RFX1: variants seen among roughly 807,000 people sequenced by gnomAD.
RFX1 encodes the protein MHC class II regulatory factor RFX1.
A neutral mutation model predicts 119.6 loss-of-function variants in RFX1; 42 were observed. The ratio of observed to expected loss-of-function variants is 0.35; its 90% CI spans 0.27 to 0.45. RFX1 has a LOEUF of 0.45. RFX1 is among the 20% of genes least tolerant of loss of function. The probability of loss-of-function intolerance (pLI) is 1.00; values close to 1 mark genes in which losing one functional copy is unlikely to be tolerated. For missense variants in RFX1, 1,118 were observed against 1,368.1 expected, an observed-to-expected ratio of 0.82 and a Z score of 2.88; for synonymous variants, 628 against 618.5, an observed-to-expected ratio of 1.02 and a Z score of -0.23.
rs139756317 is a variant in RFX1, at chr19:13,965,729, G to A, written c.2010C>T (p.Leu670=). The part of the protein sequence containing the change: ...KRLPKAILVL[L]SKFEPVLQWT... Reference sequence around the variant, plus strand: ...ATTGGAGCACGGGCTCGAACTTGGAGAGGAGCACCAGGATGGCTTTGGGCA... The same window carrying A: ...ATTGGAGCACGGGCTCGAACTTGGAAAGGAGCACCAGGATGGCTTTGGGCA... Residue 670 remains leucine, a synonymous_variant, in exon 15 of 21, where the codon CTC becomes CTT. Transcript: ENST00000254325. The surrounding 1 kb of genome is among the most constrained non-coding windows in gnomAD (Gnocchi z 4.7). The A allele has an allele frequency of 7.2e-4, 1,166 of 1,613,960 alleles. 2 individuals carry two copies. Among genetic ancestry groups the A allele is most frequent in the Non-Finnish European group, 9.3e-4 (1,102 of 1,180,000 alleles).
At chr19:13,979,314 A>T (rs1974355322) in intron 7 of RFX1, 133 bp downstream of exon 7, 3 of 535,638 alleles carry the variant, frequency 5.6e-6, no homozygotes, top group Non-Finnish European at 9.6e-6. Flanking sequence ...GGGCCGGGAA[A>T]GGGGAAGGAT....
At chr19:13,982,735 C>T (rs1053151453) in intron 4 of RFX1, among the ~76,000 whole-genome samples, 2 of 152,086 alleles carry the variant, frequency 1.3e-5, no homozygotes, top group African/African-American at 4.8e-5. Context: ...CCCTGGGAGG[C>T]GGAGGTTGCA....
chr19:13,995,851 CAAA>C (rs57542235), intron 1 of RFX1, among the ~76,000 whole-genome samples: 425 of 35,604 alleles, frequency 0.012, no homozygotes, highest in African/African-American at 0.027. Context: ...ACTCTGTCTC[CAAA>C]AAAAAAAAAA....
intron 1 of RFX1, among the ~76,000 whole-genome samples, chr19:13,998,993 G>C (rs1299403028): frequency 6.6e-6 from 1 of 152,210 alleles, no homozygotes; most frequent in African/African-American, 2.4e-5. Flanking sequence ...GAGGAGGTGG[G>C]AGATCGAGGA....
chr19:13,993,863 A>T lies in RFX1; in HGVS notation c.-20T>A. The T allele has an allele frequency of 6.7e-7, 1 of 1,500,692 alleles. No homozygotes were observed. The highest frequency in any genetic ancestry group is 8.9e-7 in the Non-Finnish European group (1 of 1,124,958). 93.0% of individuals were successfully genotyped at this position (1,500,692 alleles called of 1,614,324 possible). A position where few individuals can be genotyped will look rare whatever the true frequency, so the allele number is the denominator to read the frequency against. ...TGCCATGCCAACGGTGGGGAAAATG[A>T]TAATAAATAAGGCTTTTTTTTTTTT... On this transcript the variant is annotated 5_prime_UTR_variant, in exon 2 of 21. Transcript: ENST00000254325.
chr19:13,997,862 C>T lies in RFX1; in HGVS notation c.-52-3967G>A, dbSNP rs555835278. Among the ~76,000 whole-genome samples, 439 of 152,266 alleles carry T rather than the reference C, an allele frequency of 2.9e-3. 3 individuals carry two copies. Among genetic ancestry groups the T allele is most frequent in the African/African-American group, 9.7e-3 (402 of 41,572 alleles). ...CCCAGGGACTCGGGCAGCAGAGAAA[C>T]TTGCCCACCGTGAGAGGGAAAAGGC... is the stretch of plus-strand genomic sequence containing the variant. On this transcript the variant is annotated intron_variant, in intron 1 of 20. Transcript: ENST00000254325.
Position 13,962,782 on chromosome 19 carries a change from C to T in RFX1, c.2853G>A (p.Ala951=). 5 of 1,530,304 alleles carry T rather than the reference C, an allele frequency of 3.3e-6. No homozygotes were observed. The highest frequency in any genetic ancestry group is 4.4e-6 in the Non-Finnish European group (5 of 1,143,448). 94.8% of individuals were successfully genotyped at this position (1,530,304 alleles called of 1,614,324 possible). A position where few individuals can be genotyped will look rare whatever the true frequency, so the allele number is the denominator to read the frequency against. The change falls in exon 21 of 21, where the codon GCG becomes GCA. Residue 951 remains alanine (A), a synonymous_variant. Coordinates refer to ENST00000254325, the MANE Select transcript of RFX1 (RefSeq NM_002918.5). ...GCGGCTCCAGGGTCTCCGGGCCCAGCGCGGGTGACTCGCCGCCAGCCGCCA... is the reference window on the plus strand; with the variant it reads ...GCGGCTCCAGGGTCTCCGGGCCCAGTGCGGGTGACTCGCCGCCAGCCGCCA... The part of the protein sequence containing the change: ...ISLAAGGESP[A]LGPETLEPPA...
intron 8 of RFX1, 36 bp from the exon 9 acceptor site, chr19:13,973,163 G>A (rs769874501): frequency 8.0e-7 from 1 of 1,253,544 alleles, no homozygotes; most frequent in Non-Finnish European, 1.1e-6. Context: ...GAGTCAGGGG[G>A]ATGAGAACTG....
intron 2 of RFX1, among the ~76,000 whole-genome samples, chr19:13,991,453 G>A (rs181525437): frequency 5.9e-5 from 9 of 152,058 alleles, no homozygotes; most frequent in Admixed American, 5.2e-4. Context: ...CTACACAGGC[G>A]GGGGGGCACT....
At position 13,980,763 on chromosome 19, in the gene RFX1, C is replaced by T. The variant is rs1179390038; in HGVS notation, c.622-74G>A. On this transcript the variant is annotated intron_variant, in intron 5 of 20. Coordinates refer to ENST00000254325, the MANE Select transcript of RFX1 (RefSeq NM_002918.5). The surrounding 1 kb of genome is among the most constrained non-coding windows in gnomAD (Gnocchi z 5.1). Reference sequence around the variant, plus strand: ...TCTCTGAGGTGGGCTCACACACACACCCTTCTCAGGAGAGCTGTCTGGGGA... The same window carrying T: ...TCTCTGAGGTGGGCTCACACACACATCCTTCTCAGGAGAGCTGTCTGGGGA... 21 of 918,390 alleles carry T rather than the reference C, an allele frequency of 2.3e-5. No homozygotes were observed. The highest frequency in any genetic ancestry group is 4.3e-5 in the Admixed American group (2 of 46,462). The allele number at this position is 918,390 out of a possible 1,614,324, so 56.9% of individuals were successfully genotyped here.
At chr19:13,975,063 GAGGGGGGC>G (rs1430206882) in intron 8 of RFX1, among the ~76,000 whole-genome samples, 1 of 140,976 alleles carries the variant, frequency 7.1e-6, no homozygotes, top group East Asian at 2.1e-4. Flanking sequence ...AAAAAAAAGG[GAGGGGGGC>G]AGGGGCAGGC....
At position 13,985,428 on chromosome 19, in the gene RFX1, C is replaced by G. The variant is rs1403379857; in HGVS notation, c.320-1833G>C. Among the ~76,000 whole-genome samples, 1 of 152,250 alleles carries G rather than the reference C, an allele frequency of 6.6e-6. No individual in the cohort carries two copies. The highest frequency in any genetic ancestry group is 2.4e-5 in the African/African-American group (1 of 41,528). Reference sequence around the variant, plus strand: ...CTGGCTTCAAGTGATCCGCCCGCCTCGGTCTCTCAAAGTGCTGGGATTACA... The same window carrying G: ...CTGGCTTCAAGTGATCCGCCCGCCTGGGTCTCTCAAAGTGCTGGGATTACA... On this transcript the variant is annotated intron_variant, in intron 2 of 20. Transcript: ENST00000254325. The surrounding 1 kb of genome is among the most constrained non-coding windows in gnomAD (Gnocchi z 4.3).
intron 5 of RFX1, among the ~76,000 whole-genome samples, chr19:13,981,668 G>C (rs1264586578): frequency 6.6e-6 from 1 of 152,192 alleles, no homozygotes; most frequent in Non-Finnish European, 1.5e-5. Flanking sequence ...CCAGCCATCT[G>C]ACCCCGAGCT....
At position 13,965,832 on chromosome 19, in the gene RFX1, A is replaced by G. The variant is rs994722187; in HGVS notation, c.1962-55T>C. ...TGGGGTACTCTATGGTCCTGCCCCC[A>G]TCGTCAGAAGGGAACAGGTAGCCCC... is the stretch of plus-strand genomic sequence containing the variant. On this transcript the variant is annotated intron_variant, in intron 14 of 20. Coordinates refer to ENST00000254325, the MANE Select transcript of RFX1 (RefSeq NM_002918.5). This position sits in a 1 kb window ranked among gnomAD's most constrained non-coding sequence, Gnocchi z 4.7. 2.3e-5 allele frequency: 37 copies of G among 1,586,812 alleles called. No homozygotes were observed. Among genetic ancestry groups the G allele is most frequent in the African/African-American group, 9.4e-5 (7 of 74,518 alleles).
At chr19:13,964,048 C>G (rs1279266064) in intron 16 of RFX1, 41 bp from the exon 17 acceptor site, 1 of 1,518,064 alleles carries the variant, frequency 6.6e-7, no homozygotes, top group Middle Eastern at 2.3e-4. Flanking sequence ...TCCAAGGAAC[C>G]CCAGCCCGCC....
At chr19:13,967,080 G>A (rs13382135) in intron 12 of RFX1, among the ~76,000 whole-genome samples, 1,939 of 152,330 alleles carry the variant, frequency 0.013, 37 homozygotes, top group African/African-American at 0.045. Flanking sequence ...CCAGGGCACA[G>A]TCAGGACCAC....
In RFX1 at chr19:13,977,711, C is replaced by A. The variant is rs201234330; in HGVS notation, c.929+281G>T. Among the ~76,000 whole-genome samples, 39 of 151,382 alleles carry A rather than the reference C, an allele frequency of 2.6e-4. No individual in the cohort carries two copies. In the East Asian group the frequency reaches 6.6e-3, roughly 26 times the overall value. Reference sequence around the variant, plus strand: ...GGATTACAGGCGTGAGCCACCGTGCCTGGCCTTTTTTTTTTTTTTTTGGTT... The same window carrying A: ...GGATTACAGGCGTGAGCCACCGTGCATGGCCTTTTTTTTTTTTTTTTGGTT... On this transcript the variant is annotated intron_variant, in intron 8 of 20. Coordinates refer to ENST00000254325, the MANE Select transcript of RFX1 (RefSeq NM_002918.5).
At chr19:13,995,577 G>A (rs1030313219) in intron 1 of RFX1, among the ~76,000 whole-genome samples, 4 of 152,188 alleles carry the variant, frequency 2.6e-5, no homozygotes, top group South Asian at 2.1e-4. Flanking sequence ...TTGGCCAAGC[G>A]CAGTGGCTCA....
At chr19:13,973,512 T>G (rs1974157115) in intron 8 of RFX1, among the ~76,000 whole-genome samples, 1 of 152,154 alleles carries the variant, frequency 6.6e-6, no homozygotes, top group Admixed American at 6.5e-5. Flanking sequence ...CTTGGGAGGC[T>G]GAGGCAGGAA....
Sources: gnomAD v4.1 joint callset for allele counts (sites outside exome capture counted in the v4.1 genomes callset) on GRCh38, gnomAD v4.1.1 for gene constraint, Gnocchi (gnomAD v3.1) non-coding constraint, MANE v1.5 for transcripts, NCBI Gene and HGNC (gene_info 2026-07-23, HGNC 2026-07-21) for gene names.